APBB1IP: variants seen among roughly 807,000 people sequenced by gnomAD.
The protein encoded by APBB1IP is amyloid beta A4 precursor protein-binding family B member 1-interacting protein.
APBB1IP carries 27 observed loss-of-function variants against 64.9 expected under a neutral mutation model. The observed-to-expected ratio is 0.42, with a 90% confidence interval of 0.31 to 0.57. The LOEUF (loss-of-function observed/expected upper bound fraction) is 0.57, where lower values mean the gene tolerates loss of function less well. APBB1IP is among the 20% of genes least tolerant of loss of function. APBB1IP has a pLI of 0.20. For synonymous variants in APBB1IP, 392 were observed against 331.0 expected (o/e 1.18, Z -2.00); for missense variants, 812 against 845.5 (o/e 0.96, Z 0.49).
intron 2 of APBB1IP, among the ~76,000 whole-genome samples, chr10:26,482,376 CT>C (rs963801317): frequency 1.5e-4 from 23 of 152,196 alleles, no homozygotes; most frequent in African/African-American, 5.3e-4. Context: ...TAACCATATG[CT>C]GTGTTATTCT....
intron 8 of APBB1IP, among the ~76,000 whole-genome samples, chr10:26,523,349 G>A (rs1836428584): frequency 6.6e-6 from 1 of 152,152 alleles, no homozygotes; most frequent in Non-Finnish European, 1.5e-5. Flanking sequence ...CTATTATGTT[G>A]AAAGCAAAGA....
chr10:26,528,810 G>C (rs1184443109), intron 8 of APBB1IP, among the ~76,000 whole-genome samples: 1 of 152,124 alleles, frequency 6.6e-6, no homozygotes, highest in African/African-American at 2.4e-5. Flanking sequence ...GGTGGCATGT[G>C]CCTGTAGCCC....
At chr10:26,534,992 G>C (rs1269689894) in intron 9 of APBB1IP, among the ~76,000 whole-genome samples, 1 of 152,130 alleles carries the variant, frequency 6.6e-6, no homozygotes, top group Admixed American at 6.5e-5. Flanking sequence ...AATGTACTTG[G>C]AGGATGCAAA....
chr10:26,498,163 T>G lies in APBB1IP; in HGVS notation c.160+1772T>G, dbSNP rs112794352. ...CACTTTTTTTATTTGCCACATAAATTTATTATTCCTGCCAGTCATTTCCAT... is the reference window on the plus strand; with the variant it reads ...CACTTTTTTTATTTGCCACATAAATGTATTATTCCTGCCAGTCATTTCCAT... On this transcript the variant is annotated intron_variant, in intron 4 of 14. Coordinates refer to ENST00000376236, the MANE Select transcript of APBB1IP (RefSeq NM_019043.4). Among the ~76,000 whole-genome samples, 605 of 152,296 alleles carry G rather than the reference T, an allele frequency of 4.0e-3. 8 individuals are homozygous for G. Among genetic ancestry groups the G allele is most frequent in the African/African-American group, 0.014 (580 of 41,548 alleles).
chr10:26,538,964 A>G (rs896445068), intron 10 of APBB1IP, among the ~76,000 whole-genome samples: 10 of 152,266 alleles, frequency 6.6e-5, no homozygotes, highest in Non-Finnish European at 1.5e-4. Context: ...TTTATATCAC[A>G]GCAGTGGGGA....
At chr10:26,558,939 T>G (rs970636561) in intron 11 of APBB1IP, among the ~76,000 whole-genome samples, 21 of 152,176 alleles carry the variant, frequency 1.4e-4, no homozygotes, top group Non-Finnish European at 3.1e-4. Context: ...TTGCACTAAG[T>G]GTAATAGACA....
intron 6 of APBB1IP, among the ~76,000 whole-genome samples, chr10:26,511,065 G>T (rs1836252044): frequency 6.6e-6 from 1 of 152,138 alleles, no homozygotes; most frequent in African/African-American, 2.4e-5. Flanking sequence ...AGGTGGCCAG[G>T]TGTGGTGGCT....
At chr10:26,449,308 T>A (rs1044635256) in intron 2 of APBB1IP, among the ~76,000 whole-genome samples, 1 of 152,174 alleles carries the variant, frequency 6.6e-6, no homozygotes, top group African/African-American at 2.4e-5. Context: ...TTTGTGTGTG[T>A]ATATCTGTGT....
chr10:26,516,398 C>T lies in APBB1IP; in HGVS notation c.813+2738C>T, dbSNP rs184464947. Among the ~76,000 whole-genome samples, 26 of 151,536 alleles carry T rather than the reference C, an allele frequency of 1.7e-4. No individual in the cohort carries two copies. The Middle Eastern group carries it at 0.014, about 79-fold the overall frequency. On this transcript the variant is annotated intron_variant, in intron 8 of 14. Transcript: ENST00000376236. ...TCTCTACTAAAAATTTAAAACTTAGCCAGGCATGGTGGTGGGCTCCTGTAA... is the reference window on the plus strand; with the variant it reads ...TCTCTACTAAAAATTTAAAACTTAGTCAGGCATGGTGGTGGGCTCCTGTAA...
intron 10 of APBB1IP, among the ~76,000 whole-genome samples, chr10:26,540,205 G>T (rs1451069221): frequency 6.6e-6 from 1 of 152,190 alleles, no homozygotes; most frequent in Non-Finnish European, 1.5e-5. Flanking sequence ...CTGTACCGTA[G>T]AATTCTCTGC....
At chr10:26,460,491 T>C (rs969853576) in intron 2 of APBB1IP, among the ~76,000 whole-genome samples, 1 of 152,106 alleles carries the variant, frequency 6.6e-6, no homozygotes. Context: ...TATTTTTGCA[T>C]GCATATGTTC....
At position 26,549,118 on chromosome 10, in the gene APBB1IP, G is replaced by A. The variant is rs574480404; in HGVS notation, c.1155+7426G>A. Among the ~76,000 whole-genome samples, 90 of 152,300 alleles carry A rather than the reference G, an allele frequency of 5.9e-4. 1 individual carries two copies. Among genetic ancestry groups the A allele is most frequent in the African/African-American group, 2.1e-3 (87 of 41,572 alleles). On this transcript the variant is annotated intron_variant, in intron 11 of 14. Coordinates refer to ENST00000376236, the MANE Select transcript of APBB1IP (RefSeq NM_019043.4). ...TTAATCTTTATTCTGTTAATGTGAT[G>A]TGTCACATTTATTGATTTGTATATG...
intron 8 of APBB1IP, among the ~76,000 whole-genome samples, chr10:26,523,627 C>T (rs1836432580): frequency 6.6e-6 from 1 of 151,718 alleles, no homozygotes; most frequent in Non-Finnish European, 1.5e-5. Context: ...CTTGGAGGGG[C>T]TTCATGTAAT....
rs762474851 is a variant in APBB1IP, at chr10:26,556,151, C to T, written c.1156-3954C>T. On this transcript the variant is annotated intron_variant, in intron 11 of 14. Transcript: ENST00000376236. ...AAGAGAGCTTCTCTCTCTTTATGAT[C>T]GGGAACAATCAAATCAATTGCGAAA... Among the ~76,000 whole-genome samples the T allele has an allele frequency of 2.2e-4, 33 of 152,164 alleles. 1 individual carries two copies. The highest frequency in any genetic ancestry group is 2.8e-4 in the Non-Finnish European group (19 of 68,022).
intron 2 of APBB1IP, among the ~76,000 whole-genome samples, chr10:26,444,563 G>C (rs940448826): frequency 2.6e-5 from 4 of 152,158 alleles, no homozygotes; most frequent in Non-Finnish European, 4.4e-5. Flanking sequence ...AAAGTCTGTG[G>C]CCTAAACAAC....
rs148216770 is a variant in APBB1IP, at chr10:26,560,815, A to G, written c.1340A>G (p.Asn447Ser). 4.1e-5 allele frequency: 66 copies of G among 1,605,234 alleles called. No homozygotes were observed. The African/African-American group carries it at 6.7e-4, about 16-fold the overall frequency. Residue 447 changes from asparagine (N) to serine (S), a missense_variant, in exon 13 of 15, where the codon AAT (asparagine) becomes AGT (serine). Around this residue, in one of 3 missense-constraint regions of APBB1IP, gnomAD observed 381 missense variants for 352.1 expected, o/e 1.08. Transcript: ENST00000376236. Reference protein sequence around the residue: ...ASRWTNLGTVNAAAPAQPSTG... With the variant: ...ASRWTNLGTVSAAAPAQPSTG... ...CGGTGGACAAACTTGGGGACAGTCAATGCAGCTGCACCAGCTCAGCCATCT... is the reference window on the plus strand; with the variant it reads ...CGGTGGACAAACTTGGGGACAGTCAGTGCAGCTGCACCAGCTCAGCCATCT...
chr10:26,539,361 A>G (rs955550273), intron 10 of APBB1IP, among the ~76,000 whole-genome samples: 1 of 146,422 alleles, frequency 6.8e-6, no homozygotes, highest in African/African-American at 2.5e-5. Context: ...TCAGTGAGCC[A>G]TGTTCGTGCC....
At chr10:26,469,258 CTTTTTTTTT>C (rs386361721) in intron 2 of APBB1IP, among the ~76,000 whole-genome samples, 2 of 112,946 alleles carry the variant, frequency 1.8e-5, no homozygotes, top group African/African-American at 7.1e-5. Flanking sequence ...CTTTTCTTTT[CTTTTTTTTT>C]TTTTTTTTTT....
chr10:26,529,454 C>T (rs1836520564), intron 8 of APBB1IP, among the ~76,000 whole-genome samples: 1 of 152,194 alleles, frequency 6.6e-6, no homozygotes, highest in African/African-American at 2.4e-5. Flanking sequence ...CTGAAAAAGT[C>T]AGAAGTATGT....
Sources: allele counts gnomAD v4.1 joint callset (sites outside exome capture counted in the v4.1 genomes callset), GRCh38; gene constraint gnomAD v4.1.1; regional missense constraint gnomAD v4.1.1; transcripts MANE v1.5; gene names NCBI Gene and HGNC (gene_info 2026-07-23, HGNC 2026-07-21).